Variants in TRMT9B observed in about 807,000 individuals in gnomAD.
TRMT9B encodes the protein probable tRNA methyltransferase 9B.
Under a neutral mutation model 11.5 loss-of-function variants are expected in TRMT9B, and 16 were observed. The ratio of observed to expected loss-of-function variants is 1.39; its 90% CI spans 0.94 to 2.11. The LOEUF is 2.11. Ranked by LOEUF, TRMT9B falls within the 30% of genes most tolerant of loss-of-function variation. The pLI is 0.00. For synonymous variants in TRMT9B, 274 were observed against 192.4 expected (o/e 1.42, Z -3.51); for missense variants, 941 against 553.8 (o/e 1.70, Z -7.02).
rs373436210 is a variant in TRMT9B, at chr8:12,966,891, A to G, written c.-200+20925A>G. ...GGAGCAAAAAAATCGGCTTTACCACATTCTTACTACCTTGCTTCCATTTTA... is the reference window on the plus strand; with the variant it reads ...GGAGCAAAAAAATCGGCTTTACCACGTTCTTACTACCTTGCTTCCATTTTA... On this transcript the variant is annotated intron_variant, in intron 1 of 4. Transcript: ENST00000524591. Among the ~76,000 whole-genome samples, 7 of 152,152 alleles carry G rather than the reference A, an allele frequency of 4.6e-5. No homozygotes were observed. The East Asian group carries it at 7.7e-4, about 17-fold the overall frequency.
chr8:13,010,899 G>A, intron 3 of TRMT9B: 1 of 953,738 alleles, frequency 1.0e-6, no homozygotes, highest in Non-Finnish European at 1.2e-6. Context: ...TCATTATTGG[G>A]AACAGTGTGG....
At chr8:12,976,774 C>T (rs898208641) in intron 1 of TRMT9B, among the ~76,000 whole-genome samples, 1 of 152,114 alleles carries the variant, frequency 6.6e-6, no homozygotes, top group African/African-American at 2.4e-5. Context: ...CATCCTTAGC[C>T]TGAAAGGGAA....
chr8:12,949,852 C>CTATTTATT (rs201594870), intron 1 of TRMT9B, among the ~76,000 whole-genome samples: 4 of 151,944 alleles, frequency 2.6e-5, no homozygotes, highest in African/African-American at 9.7e-5. Flanking sequence ...CTAGTTAATT[C>CTATTTATT]TATTTATTTA....
At chr8:12,964,485 C>G (rs1239614769) in intron 1 of TRMT9B, among the ~76,000 whole-genome samples, 1 of 152,098 alleles carries the variant, frequency 6.6e-6, no homozygotes, top group East Asian at 1.9e-4. Flanking sequence ...TTGTTTTTTA[C>G]TTTTAAAGCA....
chr8:12,985,852 A>C (rs1806202485), intron 1 of TRMT9B, among the ~76,000 whole-genome samples: 1 of 151,794 alleles, frequency 6.6e-6, no homozygotes, highest in Admixed American at 6.6e-5. Flanking sequence ...TACTAGATTA[A>C]TGATTTTTTT....
chr8:12,946,498 G>C (rs1800270470), intron 1 of TRMT9B, among the ~76,000 whole-genome samples: 1 of 152,290 alleles, frequency 6.6e-6, no homozygotes, highest in East Asian at 1.9e-4. Context: ...GTAGAAGAAA[G>C]AAAAGGGCAG....
chr8:13,011,449 G>C (rs763954925), intron 3 of TRMT9B: 1 of 985,050 alleles, frequency 1.0e-6, no homozygotes. Flanking sequence ...TTTGAATAGT[G>C]GTAGATATCT....
chr8:12,953,361 T>C (rs1800885555), intron 1 of TRMT9B, among the ~76,000 whole-genome samples: 1 of 152,180 alleles, frequency 6.6e-6, no homozygotes, highest in Non-Finnish European at 1.5e-5. Flanking sequence ...TTTGTTTGTT[T>C]ATGTTTGAGA....
chr8:12,952,325 G>T (rs950100783), intron 1 of TRMT9B: 86 of 335,626 alleles, frequency 2.6e-4, no homozygotes, highest in African/African-American at 1.9e-3. Flanking sequence ...TCTAGCGCGT[G>T]CCCCGGAGCC....
At chr8:12,992,022 C>T (rs1807433503) in intron 2 of TRMT9B, among the ~76,000 whole-genome samples, 3 of 152,152 alleles carry the variant, frequency 2.0e-5, no homozygotes, top group Non-Finnish European at 4.4e-5. Flanking sequence ...CCTCCAAGTG[C>T]CCATTGACTC....
intron 1 of TRMT9B, among the ~76,000 whole-genome samples, chr8:12,959,620 A>G (rs1236060063): frequency 1.4e-5 from 2 of 144,414 alleles, no homozygotes; most frequent in African/African-American, 5.1e-5. Flanking sequence ...CCTGGGCTCA[A>G]ATGATCCTCC....
chr8:12,952,309 A>G (rs1800732894), intron 1 of TRMT9B: 1 of 361,910 alleles, frequency 2.8e-6, no homozygotes, highest in Non-Finnish European at 5.8e-6. Context: ...GGGGCGCGAC[A>G]GGTCGTCTAG....
At chr8:13,003,621 C>G (rs941414633) in intron 2 of TRMT9B, among the ~76,000 whole-genome samples, 2 of 151,784 alleles carry the variant, frequency 1.3e-5, no homozygotes, top group South Asian at 4.2e-4. Flanking sequence ...TCTGGTGAGG[C>G]CAGATCGGAA....
At chr8:12,965,343 A>G (rs994259116) in intron 1 of TRMT9B, among the ~76,000 whole-genome samples, 1 of 152,240 alleles carries the variant, frequency 6.6e-6, no homozygotes, top group African/African-American at 2.4e-5. Flanking sequence ...CTAGCATCAC[A>G]GTGAACACAG....
At chr8:13,013,705 C>A (rs1017369200) in intron 4 of TRMT9B, among the ~76,000 whole-genome samples, 1 of 152,194 alleles carries the variant, frequency 6.6e-6, no homozygotes, top group African/African-American at 2.4e-5. Context: ...GTAATCCCAA[C>A]CCTTTGGGAG....
At chr8:12,970,530 G>C (rs1163549626) in intron 1 of TRMT9B, among the ~76,000 whole-genome samples, 1 of 152,174 alleles carries the variant, frequency 6.6e-6, no homozygotes, top group African/African-American at 2.4e-5. Context: ...ACGCCTTCTG[G>C]GCGGTCCTAC....
chr8:13,022,058 G>A lies in TRMT9B; in HGVS notation c.*14G>A. On this transcript the variant is annotated 3_prime_UTR_variant, in exon 5 of 5. Transcript: ENST00000524591. ...GGTTGTGATTGATTGGATCCTTTTA[G>A]ACAACTCCTCCAAAAGATGAACCAC... 1 of 1,517,062 alleles carries A rather than the reference G, an allele frequency of 6.6e-7. No homozygotes were observed. Among genetic ancestry groups the A allele is most frequent in the Non-Finnish European group, 8.9e-7 (1 of 1,127,784 alleles). The allele number at this position is 1,517,062 out of a possible 1,614,324, so 94.0% of individuals were successfully genotyped here.
At chr8:13,015,081 A>G (rs1190146753) in intron 4 of TRMT9B, among the ~76,000 whole-genome samples, 1 of 151,380 alleles carries the variant, frequency 6.6e-6, no homozygotes, top group African/African-American at 2.4e-5. Context: ...AAATAAATAA[A>G]TAAATAAATA....
At chr8:13,000,114 C>T (rs1351815506) in intron 2 of TRMT9B, among the ~76,000 whole-genome samples, 3 of 152,040 alleles carry the variant, frequency 2.0e-5, no homozygotes, top group Admixed American at 6.6e-5. Flanking sequence ...TCTGAGGGAC[C>T]CAGGCTGATG....
Sources: gnomAD v4.1 joint callset for allele counts (sites outside exome capture counted in the v4.1 genomes callset) on GRCh38, gnomAD v4.1.1 for gene constraint, MANE v1.5 for transcripts, NCBI Gene and HGNC (gene_info 2026-07-23, HGNC 2026-07-21) for gene names.